Variants in UVRAG observed in about 807,000 individuals in gnomAD.
UVRAG encodes UV radiation resistance associated.
A neutral mutation model predicts 78.0 loss-of-function variants in UVRAG; 19 were observed. The observed-to-expected ratio is 0.24, with a 90% CI of 0.17 to 0.36. The LOEUF (loss-of-function observed/expected upper bound fraction) is 0.36, where lower values mean the gene tolerates loss of function less well. Ranked by LOEUF, UVRAG falls within the 10% of genes least tolerant of loss-of-function variation. The pLI is 1.00. For missense variants in UVRAG, 740 were observed against 853.8 expected (o/e 0.87, Z 1.66); for synonymous variants, 323 against 324.6 (o/e 1.00, Z 0.05).
At chr11:76,017,078 C>G (rs1950161779) in intron 12 of UVRAG, 98 bp downstream of exon 12, 1 of 878,172 alleles carries the variant, frequency 1.1e-6, no homozygotes, top group African/African-American at 1.7e-5. Flanking sequence ...ATTATGACAA[C>G]TTTTATATAA....
chr11:75,940,599 T>G (rs1375420006), intron 6 of UVRAG, among the ~76,000 whole-genome samples: 1 of 152,186 alleles, frequency 6.6e-6, no homozygotes, highest in Non-Finnish European at 1.5e-5. Context: ...ACTCCCCAAG[T>G]GCTTTGGACA....
At chr11:76,005,101 T>A (rs892402420) in intron 9 of UVRAG, among the ~76,000 whole-genome samples, 1 of 152,134 alleles carries the variant, frequency 6.6e-6, no homozygotes, top group Admixed American at 6.5e-5. Flanking sequence ...CCCAGCACTT[T>A]GGGAGGCCGA....
chr11:75,974,215 C>G (rs558654686), intron 7 of UVRAG, among the ~76,000 whole-genome samples: 32 of 152,250 alleles, frequency 2.1e-4, no homozygotes, highest in Non-Finnish European at 1.3e-4. Context: ...TCCAGCACCT[C>G]TTGTTTCCTG....
intron 2 of UVRAG, among the ~76,000 whole-genome samples, chr11:75,858,966 A>G (rs115568358): frequency 6.6e-6 from 1 of 152,344 alleles, no homozygotes; most frequent in East Asian, 1.9e-4. Flanking sequence ...GCCACTTGAA[A>G]CATACTCTGC....
At chr11:75,900,509 A>C (rs1947469377) in intron 5 of UVRAG, among the ~76,000 whole-genome samples, 1 of 152,124 alleles carries the variant, frequency 6.6e-6, no homozygotes, top group African/African-American at 2.4e-5. Flanking sequence ...ATGCTCCTTT[A>C]GGGCTGAGGT....
chr11:75,837,640 C>G (rs1408724064), intron 1 of UVRAG: 1 of 151,878 alleles, frequency 6.6e-6, no homozygotes, highest in Non-Finnish European at 1.5e-5. Flanking sequence ...TGCATTTGGA[C>G]TAGCCTATTG....
chr11:76,131,041 G>T (rs1952505146), intron 14 of UVRAG, among the ~76,000 whole-genome samples: 1 of 151,822 alleles, frequency 6.6e-6, no homozygotes, highest in Admixed American at 6.6e-5. Flanking sequence ...ATCATTCCTG[G>T]CATCTCTTTC....
At chr11:75,906,427 A>G (rs1328736287) in intron 5 of UVRAG, among the ~76,000 whole-genome samples, 1 of 152,008 alleles carries the variant, frequency 6.6e-6, no homozygotes, top group African/African-American at 2.4e-5. Flanking sequence ...GCTCACTTCA[A>G]TCTCTGCCTC....
intron 5 of UVRAG, among the ~76,000 whole-genome samples, chr11:75,907,326 A>T (rs1947636755): frequency 6.6e-6 from 1 of 151,212 alleles, no homozygotes; most frequent in Non-Finnish European, 1.5e-5. Context: ...ACCATTGAGT[A>T]TGGTGTTAGC....
chr11:75,923,523 C>T (rs1031826622), intron 6 of UVRAG, among the ~76,000 whole-genome samples: 1 of 152,128 alleles, frequency 6.6e-6, no homozygotes, highest in Non-Finnish European at 1.5e-5. Context: ...ATGTGAACTG[C>T]TTAGTACAGT....
intron 8 of UVRAG, among the ~76,000 whole-genome samples, chr11:75,986,216 ATCT>A (rs1381416318): frequency 6.6e-6 from 1 of 152,064 alleles, no homozygotes. Flanking sequence ...TGTTTATTAG[ATCT>A]TCTTTACAAA....
At chr11:75,884,606 G>A (rs1276630680) in intron 4 of UVRAG, among the ~76,000 whole-genome samples, 1 of 152,012 alleles carries the variant, frequency 6.6e-6, no homozygotes, top group Non-Finnish European at 1.5e-5. Context: ...AAAGTGCAAG[G>A]TTCATTGTTT....
chr11:75,904,141 T>C (rs1340202040), intron 5 of UVRAG, among the ~76,000 whole-genome samples: 1 of 152,232 alleles, frequency 6.6e-6, no homozygotes, highest in African/African-American at 2.4e-5. Context: ...AAACATTTAC[T>C]ATGTGGCCCT....
intron 1 of UVRAG, among the ~76,000 whole-genome samples, chr11:75,839,380 T>G (rs1442835557): frequency 6.6e-6 from 1 of 152,124 alleles, no homozygotes; most frequent in South Asian, 2.1e-4. Flanking sequence ...TTTGTGTTTA[T>G]AAAATAATTG....
intron 1 of UVRAG, among the ~76,000 whole-genome samples, chr11:75,819,257 A>G (rs1945335038): frequency 6.6e-6 from 1 of 152,184 alleles, no homozygotes; most frequent in Non-Finnish European, 1.5e-5. Context: ...TGGGACTACT[A>G]CTTAATTTTG....
chr11:75,977,247 T>C (rs185884873), intron 7 of UVRAG, among the ~76,000 whole-genome samples: 1 of 152,334 alleles, frequency 6.6e-6, no homozygotes, highest in African/African-American at 2.4e-5. Flanking sequence ...TTTGTTATAA[T>C]TTCTGTTCTT....
At chr11:76,050,293 C>T (rs553687112) in intron 12 of UVRAG, among the ~76,000 whole-genome samples, 9 of 152,288 alleles carry the variant, frequency 5.9e-5, no homozygotes, top group African/African-American at 9.6e-5. Context: ...AAGAACATAC[C>T]TGAATCTTGA....
At chr11:76,006,745 C>A (rs1268854067) in intron 9 of UVRAG, among the ~76,000 whole-genome samples, 3 of 115,512 alleles carry the variant, frequency 2.6e-5, no homozygotes, top group African/African-American at 9.5e-5. Context: ...TACTTTTTTT[C>A]TTACAGTCCA....
intron 13 of UVRAG, among the ~76,000 whole-genome samples, chr11:76,072,503 T>G (rs1434370263): frequency 1.3e-5 from 2 of 152,172 alleles, no homozygotes; most frequent in African/African-American, 4.8e-5. Flanking sequence ...ATTGCCTTTT[T>G]CAGATGCATG....
Sources: allele counts gnomAD v4.1 joint callset (sites outside exome capture counted in the v4.1 genomes callset), GRCh38; gene constraint gnomAD v4.1.1; transcripts MANE v1.5; gene names NCBI Gene and HGNC (gene_info 2026-07-23, HGNC 2026-07-21).